Variants in CYFIP2 observed in about 807,000 individuals in gnomAD.
CYFIP2 encodes cytoplasmic FMR1-interacting protein 2.
A neutral mutation model predicts 158.7 loss-of-function variants in CYFIP2; 29 were observed. The observed-to-expected ratio is 0.18, with a 90% confidence interval of 0.14 to 0.25. The LOEUF is 0.25. CYFIP2 is among the 10% of genes least tolerant of loss of function. The pLI is 1.00. For synonymous variants in CYFIP2, 585 were observed against 617.6 expected (o/e 0.95, Z 0.78); for missense variants, 852 against 1,639.5 (o/e 0.52, Z 8.29).
At position 157,369,945 on chromosome 5, in the gene CYFIP2, G is replaced by A. The variant is rs1025472997; in HGVS notation, c.3039+8347G>A. 1.1e-4 allele frequency among the ~76,000 whole-genome samples: 17 copies of A among 148,004 alleles called. 1 individual carries two copies. Among genetic ancestry groups the A allele is most frequent in the Admixed American group, 6.8e-4 (10 of 14,684 alleles). ...AACCCAGGCTGGAGTGCAGTGGCGT[G>A]ATCTCGGCTCACTGCAACCTCCACT... On this transcript the variant is annotated intron_variant, in intron 26 of 30. Coordinates refer to ENST00000620254, the MANE Select transcript of CYFIP2 (RefSeq NM_001037333.3).
chr5:157,386,930 A>T (rs938229344), intron 28 of CYFIP2, among the ~76,000 whole-genome samples: 2 of 70,664 alleles, frequency 2.8e-5, no homozygotes, highest in Admixed American at 1.6e-4. Context: ...GAAGATTTAA[A>T]AAAAAAAAAA....
At chr5:157,302,998 T>C in intron 7 of CYFIP2, 108 bp downstream of exon 7, 3 of 806,364 alleles carry the variant, frequency 3.7e-6, no homozygotes, top group Non-Finnish European at 5.9e-6. Context: ...AGTCTGCAGC[T>C]TCCATCTCCA....
At chr5:157,294,720 G>C (rs1024564248) in intron 3 of CYFIP2, 63 bp from the exon 4 acceptor site, 53 of 1,410,364 alleles carry the variant, frequency 3.8e-5, no homozygotes, top group Admixed American at 2.6e-4. Flanking sequence ...AGGATCTGGG[G>C]GCTTTTGCAG....
chr5:157,369,879 G>GTTTTAT (rs534240919), intron 26 of CYFIP2, among the ~76,000 whole-genome samples: 4 of 103,306 alleles, frequency 3.9e-5, no homozygotes, highest in Non-Finnish European at 7.9e-5. Flanking sequence ...AATGGACCTA[G>GTTTTAT]TTTTTTTTTT....
At chr5:157,387,023 G>T (rs964731765) in intron 28 of CYFIP2, among the ~76,000 whole-genome samples, 6 of 150,924 alleles carry the variant, frequency 4.0e-5, no homozygotes, top group African/African-American at 1.5e-4. Context: ...ACGACTAAAT[G>T]AATTATATCA....
At chr5:157,333,707 T>G (rs1284186323) in intron 21 of CYFIP2, among the ~76,000 whole-genome samples, 3 of 152,174 alleles carry the variant, frequency 2.0e-5, no homozygotes, top group Non-Finnish European at 4.4e-5. Flanking sequence ...CTGCATGTCC[T>G]TAGGATCCTG....
In CYFIP2 at chr5:157,395,126, C is replaced by A. The variant is rs1767640404; in HGVS notation, c.*2126C>A. 1 of 169,848 alleles carries A rather than the reference C, an allele frequency of 5.9e-6. No individual in the cohort carries two copies. Among genetic ancestry groups the A allele is most frequent in the Non-Finnish European group, 1.2e-5 (1 of 80,498 alleles). The allele number at this position is 169,848 out of a possible 1,614,324, so 10.5% of individuals were successfully genotyped here. On this transcript the variant is annotated 3_prime_UTR_variant, in exon 31 of 31. Coordinates refer to ENST00000620254, the MANE Select transcript of CYFIP2 (RefSeq NM_001037333.3). Reference sequence around the variant, plus strand: ...CTAAATTTGACCCTCTGGGCCGAGTCACATTACCTTCAGGAGACTTGATCC... The same window carrying A: ...CTAAATTTGACCCTCTGGGCCGAGTAACATTACCTTCAGGAGACTTGATCC...
rs141308576 is a variant in CYFIP2 at position 157,371,415 on chromosome 5, G to A, written c.3039+9817G>A. ...CTCAAAAATCAGAGTTAAAGGTTAA[G>A]AAAATACTGGTTTGATGATGCTCTT... On this transcript the variant is annotated intron_variant, in intron 26 of 30. Coordinates refer to ENST00000620254, the MANE Select transcript of CYFIP2 (RefSeq NM_001037333.3). Among the ~76,000 whole-genome samples the A allele has an allele frequency of 6.6e-5, 10 of 152,270 alleles. No individual in the cohort carries two copies. In the East Asian group the frequency reaches 1.9e-3, roughly 29 times the overall value.
At chr5:157,371,177 G>C (rs192261955) in intron 26 of CYFIP2, among the ~76,000 whole-genome samples, 2 of 152,072 alleles carry the variant, frequency 1.3e-5, no homozygotes, top group Non-Finnish European at 2.9e-5. Context: ...CTGTATCCTC[G>C]GGGCTTAACA....
intron 15 of CYFIP2, among the ~76,000 whole-genome samples, chr5:157,322,064 G>A (rs561618970): frequency 6.6e-6 from 1 of 152,252 alleles, no homozygotes; most frequent in Admixed American, 6.5e-5. Context: ...TAATGTGAGA[G>A]GGGTGGGTCA....
intron 21 of CYFIP2, among the ~76,000 whole-genome samples, chr5:157,336,208 G>C (rs892516008): frequency 5.9e-5 from 9 of 152,160 alleles, no homozygotes; most frequent in Admixed American, 3.3e-4. Flanking sequence ...TCTGAGTTGG[G>C]AGAGGTTGCA....
intron 23 of CYFIP2, among the ~76,000 whole-genome samples, chr5:157,346,465 A>T (rs1336924929): frequency 6.6e-6 from 1 of 152,198 alleles, no homozygotes; most frequent in Non-Finnish European, 1.5e-5. Context: ...AAAGACAGAG[A>T]GACTCAAGGG....
intron 29 of CYFIP2, 143 bp from the exon 30 acceptor site, chr5:157,390,378 T>C: frequency 1.4e-6 from 1 of 703,330 alleles, no homozygotes; most frequent in Admixed American, 3.1e-5. Flanking sequence ...CAGCTTCCTT[T>C]GTACCCATTT....
intron 26 of CYFIP2, among the ~76,000 whole-genome samples, chr5:157,367,938 A>C (rs888572471): frequency 9.9e-5 from 15 of 151,960 alleles, no homozygotes; most frequent in African/African-American, 3.6e-4. Context: ...TATTTTTAGT[A>C]GAAGAGATGA....
intron 26 of CYFIP2, among the ~76,000 whole-genome samples, chr5:157,368,671 A>C (rs546346037): frequency 1.7e-4 from 6 of 35,312 alleles, no homozygotes; most frequent in East Asian, 1.5e-3. Context: ...TCTGAAAAAC[A>C]ACCTGCTAGT....
intron 13 of CYFIP2, among the ~76,000 whole-genome samples, chr5:157,315,533 T>C (rs956413782): frequency 6.6e-6 from 1 of 152,228 alleles, no homozygotes; most frequent in Non-Finnish European, 1.5e-5. Flanking sequence ...ATGTCTTTAG[T>C]GGTCAGTCTA....
At position 157,369,883 on chromosome 5, in the gene CYFIP2, T is replaced by TG. The variant is rs748472608; in HGVS notation, c.3039+8285_3039+8286insG. Among the ~76,000 whole-genome samples the TG allele has an allele frequency of 1.4e-3, 194 of 137,528 alleles. 1 individual carries two copies. The highest frequency in any genetic ancestry group is 1.7e-3 in the Admixed American group (24 of 13,900). 90.2% of individuals were successfully genotyped at this position (137,528 alleles called of 152,430 possible). The stretch of plus-strand genomic sequence containing the variant: ...AAATCCTTGAGAATGGACCTAGTTT[T>TG]TTTTTTTTTTTTTTTAAAGACAGAG... On this transcript the variant is annotated intron_variant, in intron 26 of 30. Transcript: ENST00000620254.
chr5:157,369,998 A>G (rs1453285107), intron 26 of CYFIP2, among the ~76,000 whole-genome samples: 1 of 150,984 alleles, frequency 6.6e-6, no homozygotes, highest in African/African-American at 2.4e-5. Context: ...TCTCTGCCTC[A>G]GCCTCCCGAG....
At position 157,307,785 on chromosome 5, in the gene CYFIP2, A is replaced by G; in HGVS notation, c.820A>G (p.Met274Val). The change falls in exon 9 of 31, where the codon ATG becomes GTG. Residue 274 changes from methionine to valine, a missense_variant. Met to Val is a conservative substitution (Grantham distance 21). This residue lies in a region of CYFIP2 where 133 missense variants were observed against 197.1 expected (regional missense o/e 0.67). Transcript: ENST00000620254. ...GGTGATGGGCTTTGGCCTCTACCTA[A>G]TGGATGGAAATGTCAGTAACATTTA... ...LKVMGFGLYL[M>V]DGNVSNIYKL... 2.5e-6 allele frequency: 4 copies of G among 1,610,624 alleles called. No individual in the cohort carries two copies. Among genetic ancestry groups the G allele is most frequent in the Non-Finnish European group, 3.4e-6 (4 of 1,177,818 alleles).
Sources: allele counts gnomAD v4.1 joint callset (sites outside exome capture counted in the v4.1 genomes callset), GRCh38; gene constraint gnomAD v4.1.1; regional missense constraint gnomAD v4.1.1; transcripts MANE v1.5; gene names NCBI Gene and HGNC (gene_info 2026-07-23, HGNC 2026-07-21).